Variants in AGBL4 observed in about 807,000 individuals in gnomAD.
AGBL4 encodes cytosolic carboxypeptidase 6.
Under a neutral mutation model 66.4 loss-of-function variants are expected in AGBL4, and 58 were observed. The observed-to-expected ratio is 0.87, with a 90% CI of 0.71 to 1.09. The LOEUF is 1.09. AGBL4 is among the 50% of genes least tolerant of loss of function. The pLI is 0.00. For missense variants in AGBL4, 579 were observed against 631.0 expected (o/e 0.92, Z 0.88); for synonymous variants, 234 against 222.9 (o/e 1.05, Z -0.44).
Position 49,471,961 on chromosome 1 carries a change from T to C in AGBL4, c.282+225352A>G, listed in dbSNP as rs1254258344. 4 of 151,970 alleles carry C rather than the reference T, an allele frequency of 2.6e-5. No individual in the cohort carries two copies. The East Asian group carries it at 7.8e-4, about 30-fold the overall frequency. The allele number at this position is 151,970 out of a possible 1,614,324, so 9.4% of individuals were successfully genotyped here. ...TCCACCTACACCACTATGGTGTCAG[T>C]AGAGGAAATGTGGGGTACCAGAACT... On this transcript the variant is annotated intron_variant, in intron 3 of 13. Coordinates refer to ENST00000371839, the MANE Select transcript of AGBL4 (RefSeq NM_032785.4).
At chr1:49,546,567 T>C (rs988057445) in intron 3 of AGBL4, among the ~76,000 whole-genome samples, 1 of 152,172 alleles carries the variant, frequency 6.6e-6, no homozygotes, top group African/African-American at 2.4e-5. Context: ...GTACTACTTC[T>C]AGTTCTTTAA....
At chr1:49,356,289 C>T (rs548633542) in intron 3 of AGBL4, among the ~76,000 whole-genome samples, 1 of 152,266 alleles carries the variant, frequency 6.6e-6, no homozygotes, top group African/African-American at 2.4e-5. Context: ...AGGAAGAGAA[C>T]TTGCTTTCTA....
At chr1:49,277,508 G>A (rs920008487) in intron 3 of AGBL4, among the ~76,000 whole-genome samples, 2 of 152,002 alleles carry the variant, frequency 1.3e-5, no homozygotes, top group Non-Finnish European at 2.9e-5. Flanking sequence ...CACTATCTTT[G>A]CAAACTTTAG....
chr1:49,852,424 G>A (rs1445017653), intron 1 of AGBL4, among the ~76,000 whole-genome samples: 3 of 152,134 alleles, frequency 2.0e-5, no homozygotes, highest in African/African-American at 4.8e-5. Context: ...GGGAATTCAC[G>A]TCCATTTGAA....
chr1:49,955,711 G>A (rs1656544985), intron 1 of AGBL4, among the ~76,000 whole-genome samples: 1 of 152,026 alleles, frequency 6.6e-6, no homozygotes, highest in South Asian at 2.1e-4. Context: ...GGTAGTGAAA[G>A]TGGTATTGAA....
chr1:49,740,291 A>G (rs1650323538), intron 2 of AGBL4, among the ~76,000 whole-genome samples: 1 of 152,202 alleles, frequency 6.6e-6, no homozygotes, highest in African/African-American at 2.4e-5. Flanking sequence ...CAAAGATCAA[A>G]AGAGACAAAG....
intron 3 of AGBL4, among the ~76,000 whole-genome samples, chr1:49,498,798 G>C (rs1438673388): frequency 2.6e-5 from 4 of 151,844 alleles, no homozygotes; most frequent in Non-Finnish European, 5.9e-5. Context: ...AACTTTGTCA[G>C]ATGCCTTTTC....
At chr1:48,553,016 TTGTC>T (rs1644271607) in intron 11 of AGBL4, among the ~76,000 whole-genome samples, 1 of 152,120 alleles carries the variant, frequency 6.6e-6, no homozygotes, top group Non-Finnish European at 1.5e-5. Flanking sequence ...TATTTATAGC[TTGTC>T]TGTCTAACTC....
chr1:50,014,894 CGTACTGTGCA>C (rs1661861953), intron 1 of AGBL4, among the ~76,000 whole-genome samples: 2 of 152,100 alleles, frequency 1.3e-5, no homozygotes, highest in Non-Finnish European at 2.9e-5. Flanking sequence ...TGTGCTTGCA[CGTACTGTGCA>C]TTTCCATGAG....
At chr1:49,967,584 G>C (rs559248373) in intron 1 of AGBL4, among the ~76,000 whole-genome samples, 2 of 152,116 alleles carry the variant, frequency 1.3e-5, no homozygotes, top group East Asian at 3.9e-4. Flanking sequence ...GATGGGTGCA[G>C]CAAACCACCA....
chr1:48,608,721 G>A (rs1645190982), intron 9 of AGBL4, among the ~76,000 whole-genome samples: 1 of 152,066 alleles, frequency 6.6e-6, no homozygotes, highest in Non-Finnish European at 1.5e-5. Context: ...GCTACACTCT[G>A]ATCCTCTAGA....
chr1:48,873,567 C>T (rs1648905535), intron 5 of AGBL4, among the ~76,000 whole-genome samples: 1 of 152,062 alleles, frequency 6.6e-6, no homozygotes, highest in South Asian at 2.1e-4. Context: ...TATTTCTCTC[C>T]TCTCAGGGAC....
chr1:49,856,785 A>G (rs1031676897), intron 1 of AGBL4, among the ~76,000 whole-genome samples: 3 of 152,118 alleles, frequency 2.0e-5, no homozygotes, highest in African/African-American at 4.8e-5. Context: ...CTGAATACGA[A>G]AAATCTCAAA....
At chr1:49,892,658 A>G (rs1648770257) in intron 1 of AGBL4, among the ~76,000 whole-genome samples, 1 of 152,034 alleles carries the variant, frequency 6.6e-6, no homozygotes, top group African/African-American at 2.4e-5. Flanking sequence ...CACCCCCTTA[A>G]TGGTACACTC....
intron 3 of AGBL4, among the ~76,000 whole-genome samples, chr1:49,593,258 T>A (rs142410487): frequency 0.021 from 3,253 of 151,994 alleles, 129 homozygotes; most frequent in African/African-American, 0.075. Context: ...ATACAAAAAA[T>A]TAGCCGGGTG....
intron 3 of AGBL4, among the ~76,000 whole-genome samples, chr1:49,691,958 T>A (rs1558166374): frequency 6.6e-6 from 1 of 152,120 alleles, no homozygotes; most frequent in Non-Finnish European, 1.5e-5. Flanking sequence ...GACCTTGTGA[T>A]CATGTGAGTT....
At chr1:48,903,884 A>G (rs11576521) in intron 5 of AGBL4, among the ~76,000 whole-genome samples, 3,355 of 152,258 alleles carry the variant, frequency 0.022, 46 homozygotes, top group Non-Finnish European at 0.034. Context: ...TAATAACCTC[A>G]TGCTTCTGAG....
At chr1:49,449,547 T>C (rs1040428134) in intron 3 of AGBL4, among the ~76,000 whole-genome samples, 1 of 151,824 alleles carries the variant, frequency 6.6e-6, no homozygotes, top group Non-Finnish European at 1.5e-5. Context: ...ATACATAATG[T>C]GACATTATGA....
chr1:49,860,008 C>A (rs1405826513), intron 1 of AGBL4, among the ~76,000 whole-genome samples: 1 of 152,028 alleles, frequency 6.6e-6, no homozygotes. Flanking sequence ...ATTTATAAAT[C>A]TAATAAACAT....
Sources: gnomAD v4.1 joint callset for allele counts (sites outside exome capture counted in the v4.1 genomes callset) on GRCh38, gnomAD v4.1.1 for gene constraint, MANE v1.5 for transcripts, NCBI Gene and HGNC (gene_info 2026-07-23, HGNC 2026-07-21) for gene names.